MAP3K5: variants seen among roughly 807,000 people sequenced by gnomAD.
MAP3K5 encodes ASK-1.
A neutral mutation model predicts 158.7 loss-of-function variants in MAP3K5; 56 were observed. That is an observed-to-expected ratio of 0.35 (90% CI 0.28 to 0.44). The LOEUF (loss-of-function observed/expected upper bound fraction) is 0.44. MAP3K5 is among the 20% of genes least tolerant of loss of function. The pLI is 1.00. For synonymous variants in MAP3K5, 579 were observed against 601.7 expected, an observed-to-expected ratio of 0.96 and a Z score of 0.55; for missense variants, 1,294 against 1,674.8, an observed-to-expected ratio of 0.77 and a Z score of 3.97.
At chr6:136,625,762 A>T (rs1043141528) in intron 14 of MAP3K5, among the ~76,000 whole-genome samples, 16 of 152,360 alleles carry the variant, frequency 1.1e-4, no homozygotes, top group African/African-American at 3.8e-4. Context: ...CAATCCAAAA[A>T]ATATAAACTA....
At chr6:136,769,721 C>G (rs913767424) in intron 1 of MAP3K5, among the ~76,000 whole-genome samples, 11 of 131,848 alleles carry the variant, frequency 8.3e-5, no homozygotes, top group African/African-American at 2.9e-4. Context: ...CCAATGTGCA[C>G]TGAAGGAAGG....
intron 1 of MAP3K5, among the ~76,000 whole-genome samples, chr6:136,789,493 C>A (rs1784979677): frequency 6.6e-6 from 1 of 151,876 alleles, no homozygotes; most frequent in Admixed American, 6.6e-5. Context: ...TACGAAGGGA[C>A]AGAGTGGGCG....
chr6:136,770,000 C>G (rs370482074), intron 1 of MAP3K5, among the ~76,000 whole-genome samples: 1 of 152,046 alleles, frequency 6.6e-6, no homozygotes, highest in Non-Finnish European at 1.5e-5. Flanking sequence ...ATCAGTAAGT[C>G]CTATGCTACA....
At chr6:136,788,286 G>C (rs1478995700) in intron 1 of MAP3K5, among the ~76,000 whole-genome samples, 1 of 152,184 alleles carries the variant, frequency 6.6e-6, no homozygotes, top group African/African-American at 2.4e-5. Context: ...ATTCAAGATG[G>C]ATTAAGGTTT....
chr6:136,583,646 G>A lies in MAP3K5; in HGVS notation c.3320C>T (p.Ala1107Val). ...FVRSTDRKII[A>V]TTLSKLKLEL... Reference sequence around the variant, plus strand: ...CAGTTTCAGCTTTGACAGTGTGGTGGCTATGATTTTTCGGTCAGTGGATCT... The same window carrying A: ...CAGTTTCAGCTTTGACAGTGTGGTGACTATGATTTTTCGGTCAGTGGATCT... Residue 1107 changes from alanine to valine, a missense_variant, in exon 24 of 30, where the codon GCC becomes GTC. This residue lies in a region of MAP3K5 where 362 missense variants were observed against 463.2 expected (regional missense o/e 0.78). Coordinates refer to ENST00000359015, the MANE Select transcript of MAP3K5 (RefSeq NM_005923.4). The A allele has an allele frequency of 6.2e-7, 1 of 1,614,196 alleles. No individual in the cohort carries two copies. Among genetic ancestry groups the A allele is most frequent in the Non-Finnish European group, 8.5e-7 (1 of 1,180,014 alleles).
At chr6:136,757,943 G>A (rs904350155) in intron 1 of MAP3K5, among the ~76,000 whole-genome samples, 2 of 152,032 alleles carry the variant, frequency 1.3e-5, no homozygotes, top group South Asian at 4.1e-4. Context: ...ATATTTTAGG[G>A]AACACAAAAA....
intron 20 of MAP3K5, among the ~76,000 whole-genome samples, 200 bp from the exon 21 acceptor site, chr6:136,601,242 A>G (rs986381574): frequency 6.6e-6 from 1 of 152,200 alleles, no homozygotes. Flanking sequence ...GTTATAGACA[A>G]TTATTGCAAA....
At chr6:136,671,472 T>A (rs765893613) in intron 7 of MAP3K5, among the ~76,000 whole-genome samples, 1 of 152,202 alleles carries the variant, frequency 6.6e-6, no homozygotes, top group Non-Finnish European at 1.5e-5. Flanking sequence ...AAAGAGCATG[T>A]AGGTATATTA....
intron 17 of MAP3K5, among the ~76,000 whole-genome samples, chr6:136,612,616 A>G (rs535295047): frequency 8.5e-5 from 13 of 152,240 alleles, no homozygotes; most frequent in Non-Finnish European, 1.8e-4. Flanking sequence ...AAGAGAATGT[A>G]AAGTTATTAT....
intron 1 of MAP3K5, among the ~76,000 whole-genome samples, chr6:136,749,029 T>C (rs1405964658): frequency 3.9e-5 from 6 of 152,234 alleles, no homozygotes; most frequent in South Asian, 2.1e-4. Flanking sequence ...TCAAAACTTA[T>C]AGTCAAATTG....
At position 136,583,869 on chromosome 6, in the gene MAP3K5, C is replaced by T. The variant is rs577920314; in HGVS notation, c.3226-129G>A. 145 of 780,820 alleles carry T rather than the reference C, an allele frequency of 1.9e-4. No individual in the cohort carries two copies. The African/African-American group carries it at 2.3e-3, about 13-fold the overall frequency. The allele number at this position is 780,820 out of a possible 1,614,324, so 48.4% of individuals were successfully genotyped here. ...GTAGAGACAAGGTCTCACTATATTG[C>T]CCAGGCTGGTCTCGAACTCCTGGGC... On this transcript the variant is annotated intron_variant, in intron 23 of 29. Transcript: ENST00000359015.
intron 7 of MAP3K5, among the ~76,000 whole-genome samples, chr6:136,677,079 T>G (rs1238121980): frequency 6.7e-6 from 1 of 150,266 alleles, no homozygotes; most frequent in East Asian, 2.0e-4. Flanking sequence ...CATGAGCCAC[T>G]GTGCCCGGCT....
chr6:136,701,278 T>A (rs935446811), intron 3 of MAP3K5, among the ~76,000 whole-genome samples: 1 of 152,210 alleles, frequency 6.6e-6, no homozygotes, highest in Non-Finnish European at 1.5e-5. Context: ...AAATGACTAT[T>A]CACAGAAAAC....
chr6:136,576,483 T>G (rs1034884116), intron 25 of MAP3K5, among the ~76,000 whole-genome samples: 1 of 152,130 alleles, frequency 6.6e-6, no homozygotes, highest in Non-Finnish European at 1.5e-5. Flanking sequence ...TTTATTTTTA[T>G]TTTTTTAGAG....
chr6:136,755,394 A>C (rs910251013), intron 1 of MAP3K5, among the ~76,000 whole-genome samples: 1 of 152,122 alleles, frequency 6.6e-6, no homozygotes, highest in Admixed American at 6.5e-5. Context: ...CCCTTTGAGC[A>C]CATAATTTGT....
intron 28 of MAP3K5, among the ~76,000 whole-genome samples, 188 bp downstream of exon 28, chr6:136,561,345 T>A (rs1374770405): frequency 2.0e-5 from 3 of 152,210 alleles, no homozygotes; most frequent in Non-Finnish European, 4.4e-5. Context: ...AATTTACCAG[T>A]GTAGAATCAC....
At chr6:136,596,280 G>A (rs767326261) in intron 21 of MAP3K5, among the ~76,000 whole-genome samples, 2 of 152,204 alleles carry the variant, frequency 1.3e-5, no homozygotes, top group Non-Finnish European at 2.9e-5. Flanking sequence ...AGGAGAGGGC[G>A]AAAGTAAGAG....
chr6:136,602,806 T>C (rs941163547), intron 19 of MAP3K5, among the ~76,000 whole-genome samples: 3 of 152,214 alleles, frequency 2.0e-5, no homozygotes, highest in Admixed American at 6.5e-5. Flanking sequence ...TGAACCTGAA[T>C]TGTTCGGATT....
At position 136,792,225 on chromosome 6, in the gene MAP3K5, T is replaced by C; in HGVS notation, c.-68A>G. The C allele has an allele frequency of 7.1e-7, 1 of 1,416,964 alleles. No individual in the cohort carries two copies. The highest frequency in any genetic ancestry group is 9.1e-7 in the Non-Finnish European group (1 of 1,097,018). 87.8% of individuals were successfully genotyped at this position (1,416,964 alleles called of 1,614,324 possible). ...GCCGCACCGCCTGGCCAGCCACAGCTCGGGGCTGCTCCGCGCCCGCCGGGC... is the reference window on the plus strand; with the variant it reads ...GCCGCACCGCCTGGCCAGCCACAGCCCGGGGCTGCTCCGCGCCCGCCGGGC... On this transcript the variant is annotated 5_prime_UTR_variant, in exon 1 of 30. Coordinates refer to ENST00000359015, the MANE Select transcript of MAP3K5 (RefSeq NM_005923.4). The surrounding 1 kb of genome is among the most constrained non-coding windows in gnomAD (Gnocchi z 5.7).
Sources: gnomAD v4.1 joint callset for allele counts (sites outside exome capture counted in the v4.1 genomes callset) on GRCh38, gnomAD v4.1.1 for gene constraint, gnomAD v4.1.1 regional missense constraint, Gnocchi (gnomAD v3.1) non-coding constraint, MANE v1.5 for transcripts, NCBI Gene and HGNC (gene_info 2026-07-23, HGNC 2026-07-21) for gene names.